Variants in GRM5 observed in about 807,000 individuals in gnomAD.
The protein encoded by GRM5 is metabotropic glutamate receptor 5.
In GRM5, 19 loss-of-function variants were observed where a neutral mutation model predicts 83.1. That is an observed-to-expected ratio of 0.23 (90% CI 0.16 to 0.34). GRM5 has a LOEUF of 0.34. Among genes scored for constraint, GRM5 ranks in the 10% least tolerant of loss-of-function variants. GRM5 has a pLI of 1.00. For missense variants in GRM5, 1,160 were observed against 1,588.3 expected, an observed-to-expected ratio of 0.73 and a Z score of 4.58; for synonymous variants, 675 against 633.6, an observed-to-expected ratio of 1.07 and a Z score of -0.98.
chr11:88,669,722 A>G (rs1330435517), intron 3 of GRM5, among the ~76,000 whole-genome samples: 3 of 152,092 alleles, frequency 2.0e-5, no homozygotes, highest in Admixed American at 6.6e-5. Context: ...ATACAAAGAA[A>G]TAAGCCTAAA....
intron 1 of GRM5, among the ~76,000 whole-genome samples, chr11:89,052,817 G>A (rs1359554888): frequency 6.6e-6 from 1 of 152,142 alleles, no homozygotes; most frequent in East Asian, 1.9e-4. Context: ...CAAACATGCT[G>A]CAATTTTGGA....
intron 2 of GRM5, among the ~76,000 whole-genome samples, chr11:88,997,588 A>C (rs1315764130): frequency 1.3e-5 from 2 of 152,196 alleles, no homozygotes; most frequent in South Asian, 4.1e-4. Flanking sequence ...TGAATTCATG[A>C]ATTACCACCA....
intron 3 of GRM5, among the ~76,000 whole-genome samples, chr11:88,735,613 G>A (rs1828700188): frequency 6.6e-6 from 1 of 152,168 alleles, no homozygotes; most frequent in South Asian, 2.1e-4. Context: ...GATATCCTGG[G>A]CAGGTAGGCA....
chr11:88,981,308 T>C lies in GRM5; in HGVS notation c.661+65904A>G, dbSNP rs577053001. On this transcript the variant is annotated intron_variant, in intron 2 of 9. Coordinates refer to ENST00000305447, the MANE Select transcript of GRM5 (RefSeq NM_001143831.3). The stretch of plus-strand genomic sequence containing the variant: ...ACTGAAGCTCAGAGACATTAGGTAA[T>C]TTATCTAGTGTTACATATATTCAAT... Among the ~76,000 whole-genome samples the C allele has an allele frequency of 5.0e-4, 76 of 152,294 alleles. 1 individual carries two copies. The highest frequency in any genetic ancestry group is 1.7e-3 in the African/African-American group (72 of 41,576).
Position 89,047,167 on chromosome 11 carries a change from T to C in GRM5, c.661+45A>G. Reference sequence around the variant, plus strand: ...TTCCCAAACCTGAAATTGTAACTGTTGAGTGCATAATAATATATACTCGAT... The same window carrying C: ...TTCCCAAACCTGAAATTGTAACTGTCGAGTGCATAATAATATATACTCGAT... On this transcript the variant is annotated intron_variant, in intron 2 of 9. Transcript: ENST00000305447. This position sits in a 1 kb window ranked among gnomAD's most constrained non-coding sequence, Gnocchi z 5.1. 1 of 1,393,478 alleles carries C rather than the reference T, an allele frequency of 7.2e-7. No individual in the cohort carries two copies. The highest frequency in any genetic ancestry group is 9.9e-7 in the Non-Finnish European group (1 of 1,011,442). The allele number at this position is 1,393,478 out of a possible 1,614,324, so 86.3% of individuals were successfully genotyped here.
intron 3 of GRM5, among the ~76,000 whole-genome samples, chr11:88,747,675 T>C (rs371868723): frequency 2.9e-4 from 43 of 149,116 alleles, no homozygotes; most frequent in African/African-American, 9.3e-4. Context: ...TAAGAAAAAG[T>C]GAGTGCAGTT....
chr11:88,559,665 T>C (rs1942709246), intron 8 of GRM5, among the ~76,000 whole-genome samples: 2 of 152,220 alleles, frequency 1.3e-5, no homozygotes, highest in South Asian at 4.1e-4. Flanking sequence ...CAGACATTAG[T>C]TATTTATCCA....
At chr11:88,604,621 C>T in intron 5 of GRM5, 97 bp downstream of exon 5, 1 of 1,014,548 alleles carries the variant, frequency 9.9e-7, no homozygotes, top group Non-Finnish European at 1.5e-6. Flanking sequence ...TACCAGGAAA[C>T]CTAGATTAAC....
chr11:88,711,362 T>A (rs1941276961), intron 3 of GRM5, among the ~76,000 whole-genome samples: 1 of 152,096 alleles, frequency 6.6e-6, no homozygotes, highest in Admixed American at 6.6e-5. Context: ...ATGATCCACT[T>A]GTGTCAGCTC....
At chr11:88,864,399 G>C (rs1944623268) in intron 2 of GRM5, among the ~76,000 whole-genome samples, 1 of 151,744 alleles carries the variant, frequency 6.6e-6, no homozygotes, top group African/African-American at 2.4e-5. Flanking sequence ...ATGAACAAAG[G>C]TGTATTCTTA....
At chr11:89,048,706 A>G (rs973952977) in intron 1 of GRM5, among the ~76,000 whole-genome samples, 6 of 152,232 alleles carry the variant, frequency 3.9e-5, no homozygotes, top group African/African-American at 1.4e-4. Flanking sequence ...TGGGTGTTTC[A>G]TGTTAAATAA....
intron 2 of GRM5, among the ~76,000 whole-genome samples, chr11:88,899,908 G>T (rs187803050): frequency 6.6e-5 from 10 of 151,998 alleles, no homozygotes; most frequent in African/African-American, 2.4e-4. Flanking sequence ...CCAGTCCACC[G>T]AAATTTGAGT....
chr11:88,810,732 T>C (rs1943574263), intron 3 of GRM5, among the ~76,000 whole-genome samples: 1 of 152,254 alleles, frequency 6.6e-6, no homozygotes. Context: ...AATTGTGAAG[T>C]ATAAATATGT....
chr11:88,867,580 A>G (rs771524038), intron 2 of GRM5, among the ~76,000 whole-genome samples: 1 of 151,780 alleles, frequency 6.6e-6, no homozygotes, highest in South Asian at 2.1e-4. Context: ...CCTAACCCCA[A>G]GTACCTCAGA....
intron 8 of GRM5, among the ~76,000 whole-genome samples, chr11:88,551,481 G>A (rs1415057049): frequency 1.3e-5 from 2 of 152,134 alleles, no homozygotes; most frequent in Admixed American, 6.6e-5. Flanking sequence ...AATTTTCCCT[G>A]ATAGTAAAAG....
At chr11:88,716,001 C>T (rs1941391695) in intron 3 of GRM5, among the ~76,000 whole-genome samples, 1 of 151,948 alleles carries the variant, frequency 6.6e-6, no homozygotes, top group Admixed American at 6.6e-5. Flanking sequence ...GAATCCCTTC[C>T]AGCTTTTGAA....
intron 2 of GRM5, among the ~76,000 whole-genome samples, chr11:88,962,214 A>G (rs1186494893): frequency 1.3e-5 from 2 of 152,174 alleles, no homozygotes; most frequent in Admixed American, 1.3e-4. Context: ...CCATGCACTC[A>G]CCAATACACT....
At chr11:88,724,520 A>T (rs1941628326) in intron 3 of GRM5, among the ~76,000 whole-genome samples, 1 of 152,176 alleles carries the variant, frequency 6.6e-6, no homozygotes, top group East Asian at 1.9e-4. Flanking sequence ...TCACTAGTTT[A>T]TTCTTTGGAC....
Position 88,536,269 on chromosome 11 carries a change from A to G in GRM5, c.2631-10865T>C, listed in dbSNP as rs187854493. Among the ~76,000 whole-genome samples, 108 of 152,104 alleles carry G rather than the reference A, an allele frequency of 7.1e-4. 1 individual carries two copies. In the Middle Eastern group the frequency reaches 0.024, roughly 34 times the overall value. On this transcript the variant is annotated intron_variant, in intron 8 of 9. Transcript: ENST00000305447. Reference sequence around the variant, plus strand: ...TATCTTTTGTGTAATTTGAATAAGAAGGTGTCACACACACAAAAAAGAAAA... The same window carrying G: ...TATCTTTTGTGTAATTTGAATAAGAGGGTGTCACACACACAAAAAAGAAAA...
Sources: gnomAD v4.1 joint callset for allele counts (sites outside exome capture counted in the v4.1 genomes callset) on GRCh38, gnomAD v4.1.1 for gene constraint, Gnocchi (gnomAD v3.1) non-coding constraint, MANE v1.5 for transcripts, NCBI Gene and HGNC (gene_info 2026-07-23, HGNC 2026-07-21) for gene names.